Variants in RPTOR observed in about 807,000 individuals in gnomAD.
The protein encoded by RPTOR is regulatory associated protein of MTOR complex 1, also known as regulatory-associated protein of mTOR.
Under a neutral mutation model 169.9 loss-of-function variants are expected in RPTOR, and 21 were observed. That is an observed-to-expected ratio of 0.12 (90% confidence interval 0.09 to 0.18). The LOEUF (loss-of-function observed/expected upper bound fraction) is 0.18. Among genes scored for constraint, RPTOR ranks in the 10% least tolerant of loss-of-function variants. The pLI, the probability that RPTOR is intolerant of heterozygous loss-of-function variation, is 1.00. For synonymous variants in RPTOR, 732 were observed against 753.2 expected, an observed-to-expected ratio of 0.97 and a Z score of 0.46; for missense variants, 1,133 against 1,855.9, an observed-to-expected ratio of 0.61 and a Z score of 7.16.
chr17:80,922,096 G>A (rs929731470), intron 21 of RPTOR, among the ~76,000 whole-genome samples: 3 of 152,208 alleles, frequency 2.0e-5, no homozygotes, highest in Non-Finnish European at 4.4e-5. Context: ...AAGCACACGG[G>A]GGTGTAAACA....
chr17:80,890,839 G>A (rs925945497), intron 17 of RPTOR, among the ~76,000 whole-genome samples: 5 of 152,108 alleles, frequency 3.3e-5, no homozygotes, highest in Non-Finnish European at 7.4e-5. Context: ...CGGAGAGTGG[G>A]GTGGCCACGA....
In RPTOR at chr17:80,634,779, CTG is replaced by C. The variant is rs1436406317; in HGVS notation, c.266-8944_266-8943del. ...TGTGTGCGTACTGTGCGTGTGTGTA[CTG>C]TGTGCATGTGCATACTGTGTGTGCA... On this transcript the variant is annotated intron_variant, in intron 2 of 33. Transcript: ENST00000306801. Among the ~76,000 whole-genome samples the C allele has an allele frequency of 2.0e-4, 26 of 130,800 alleles. 1 individual carries two copies. The highest frequency in any genetic ancestry group is 6.6e-4 in the African/African-American group (22 of 33,336). The allele number at this position is 130,800 out of a possible 152,430, so 85.8% of individuals were successfully genotyped here.
chr17:80,634,482 T>TGTGC (rs2065477724), intron 2 of RPTOR, among the ~76,000 whole-genome samples: 1 of 126,464 alleles, frequency 7.9e-6, no homozygotes, highest in Non-Finnish European at 1.6e-5. Context: ...GTGCATACTG[T>TGTGC]GTGTGCATAC....
At chr17:80,935,216 C>T (rs1426032407) in intron 24 of RPTOR, among the ~76,000 whole-genome samples, 1 of 152,026 alleles carries the variant, frequency 6.6e-6, no homozygotes, top group Admixed American at 6.5e-5. Flanking sequence ...ATGAAAAGGT[C>T]TAAGTAAATG....
intron 9 of RPTOR, among the ~76,000 whole-genome samples, chr17:80,834,678 G>C (rs904383893): frequency 6.6e-6 from 1 of 152,222 alleles, no homozygotes; most frequent in Non-Finnish European, 1.5e-5. Flanking sequence ...TTGCTGGGCG[G>C]CATCCTGTCC....
intron 6 of RPTOR, among the ~76,000 whole-genome samples, chr17:80,770,770 C>A (rs999271152): frequency 6.6e-6 from 1 of 152,220 alleles, no homozygotes; most frequent in African/African-American, 2.4e-5. Flanking sequence ...CGCAAGATCC[C>A]CACCTTCCAA....
rs1567887321 is a variant in RPTOR, at chr17:80,743,799, ACAGCC to A, written c.655-10209_655-10205del. Among the ~76,000 whole-genome samples the A allele has an allele frequency of 9.1e-5, 12 of 131,406 alleles. 1 individual carries two copies. In the East Asian group the frequency reaches 1.2e-3, roughly 13 times the overall value. The allele number at this position is 131,406 out of a possible 152,430, so 86.2% of individuals were successfully genotyped here. On this transcript the variant is annotated intron_variant, in intron 5 of 33. Transcript: ENST00000306801. ...TACTAGCAGAGCCCTGGCTACTAGC[ACAGCC>A]CTGGCTACTAGCAGAGCCCTGGCTA...
chr17:80,720,605 C>T (rs991746054), intron 4 of RPTOR, among the ~76,000 whole-genome samples: 1 of 152,294 alleles, frequency 6.6e-6, no homozygotes, highest in East Asian at 1.9e-4. Flanking sequence ...CTTTAACAAA[C>T]AAATGATTTC....
At chr17:80,700,453 G>C (rs2066076764) in intron 3 of RPTOR, among the ~76,000 whole-genome samples, 3 of 125,986 alleles carry the variant, frequency 2.4e-5, no homozygotes, top group Admixed American at 2.2e-4. Flanking sequence ...TGGTGGTGGT[G>C]ATGGTGGTGG....
Position 80,846,547 on chromosome 17 carries a change from A to G in RPTOR, c.1287A>G (p.Pro429=). ...CCATGGGCGTGGAGAACCGAAACCC[A>G]CCCGAACAGCTGCCCATCGTCCTGC... ...WLTMGVENRN[P]PEQLPIVLQV... is the part of the protein sequence containing the mutation. Residue 429 remains proline, a synonymous_variant, in exon 11 of 34, where the codon CCA becomes CCG. Transcript: ENST00000306801. The G allele has an allele frequency of 6.2e-7, 1 of 1,614,044 alleles. No homozygotes were observed.
At chr17:80,862,015 G>A (rs886959688) in intron 13 of RPTOR, among the ~76,000 whole-genome samples, 1 of 152,128 alleles carries the variant, frequency 6.6e-6, no homozygotes, top group Non-Finnish European at 1.5e-5. Flanking sequence ...ATGGCAGAAC[G>A]TGGCCATGAG....
At chr17:80,842,374 G>T (rs2067680741) in intron 10 of RPTOR, among the ~76,000 whole-genome samples, 1 of 151,458 alleles carries the variant, frequency 6.6e-6, no homozygotes, top group Non-Finnish European at 1.5e-5. Context: ...CCAATTCTGT[G>T]CCTGAGGCCA....
At chr17:80,841,333 A>AC (rs2067651558) in intron 10 of RPTOR, among the ~76,000 whole-genome samples, 3 of 109,090 alleles carry the variant, frequency 2.8e-5, no homozygotes, top group East Asian at 3.0e-4. Flanking sequence ...ACGGCAGCTC[A>AC]TTCACCGCAC....
chr17:80,822,330 G>C (rs2067388213), intron 8 of RPTOR, 29 bp downstream of exon 8: 1 of 1,607,694 alleles, frequency 6.2e-7, no homozygotes, highest in Non-Finnish European at 8.5e-7. Context: ...CTTGGGGAGG[G>C]AGGCTATGGC....
At chr17:80,618,233 A>C (rs1324712974) in intron 1 of RPTOR, among the ~76,000 whole-genome samples, 3 of 152,162 alleles carry the variant, frequency 2.0e-5, no homozygotes, top group Non-Finnish European at 2.9e-5. Flanking sequence ...GTGATCCGCC[A>C]GGCTTGGCCT....
chr17:80,892,881 G>A lies in RPTOR; in HGVS notation c.2242+12G>A, dbSNP rs1263471586. The A allele has an allele frequency of 5.0e-6, 8 of 1,612,592 alleles. No homozygotes were observed. The highest frequency in any genetic ancestry group is 6.8e-6 in the Non-Finnish European group (8 of 1,179,380). ...TTTGACAGAGGAATGTAAGATCCTG[G>A]AAATCGGGTTATTGGATTGGGAGAG... On this transcript the variant is annotated intron_variant, in intron 19 of 33. Coordinates refer to ENST00000306801, the MANE Select transcript of RPTOR (RefSeq NM_020761.3).
At chr17:80,719,066 G>C (rs1023352678) in intron 4 of RPTOR, among the ~76,000 whole-genome samples, 8 of 152,280 alleles carry the variant, frequency 5.3e-5, no homozygotes, top group African/African-American at 1.7e-4. Flanking sequence ...GAGCTTGTGG[G>C]CATTTGTTCT....
intron 24 of RPTOR, among the ~76,000 whole-genome samples, chr17:80,925,972 C>G (rs113651815): frequency 0.022 from 3,401 of 152,340 alleles, 130 homozygotes; most frequent in African/African-American, 0.077. Context: ...AGGGCGGCGG[C>G]TCTCGGCCTC....
intron 7 of RPTOR, among the ~76,000 whole-genome samples, chr17:80,811,981 C>T (rs1400586002): frequency 3.9e-5 from 6 of 152,058 alleles, no homozygotes; most frequent in African/African-American, 1.4e-4. Flanking sequence ...ACAGCCACAG[C>T]CTCTTTAACA....
Sources: allele counts gnomAD v4.1 joint callset (sites outside exome capture counted in the v4.1 genomes callset), GRCh38; gene constraint gnomAD v4.1.1; transcripts MANE v1.5; gene names NCBI Gene and HGNC (gene_info 2026-07-23, HGNC 2026-07-21).